The following LRRN2 variants were observed in gnomAD, a reference collection of about 807,000 sequenced individuals.
LRRN2 encodes leucine rich repeat neuronal 2.
A neutral mutation model predicts 35.7 loss-of-function variants in LRRN2; 10 were observed. The ratio of observed to expected loss-of-function variants is 0.28; its 90% CI spans 0.17 to 0.47. LRRN2 has a LOEUF of 0.47. Among genes scored for constraint, LRRN2 ranks in the 20% least tolerant of loss-of-function variants. LRRN2 has a pLI of 0.99. For synonymous variants in LRRN2, 391 were observed against 409.6 expected, an observed-to-expected ratio of 0.95 and a Z score of 0.55; for missense variants, 731 against 940.3, an observed-to-expected ratio of 0.78 and a Z score of 2.91.
At chr1:204,664,423 G>A (rs1490381709) in intron 1 of LRRN2, 1 of 152,444 alleles carries the variant, frequency 6.6e-6, no homozygotes, top group Non-Finnish European at 1.5e-5. Flanking sequence ...CGACGGAGAT[G>A]GTGATGTGAC....
At chr1:204,646,790 C>A (rs1668116410) in intron 1 of LRRN2, among the ~76,000 whole-genome samples, 1 of 152,304 alleles carries the variant, frequency 6.6e-6, no homozygotes, top group African/African-American at 2.4e-5. Flanking sequence ...CTTTTGACCT[C>A]TTTAATAGGG....
At chr1:204,645,313 C>G (rs183836346) in intron 1 of LRRN2, among the ~76,000 whole-genome samples, 1 of 152,338 alleles carries the variant, frequency 6.6e-6, no homozygotes, top group East Asian at 1.9e-4. Context: ...CTGCAGAAAT[C>G]ACAAACAGCA....
chr1:204,620,334 G>A (rs1431329263), intron 1 of LRRN2, 116 bp from the exon 2 acceptor site: 8 of 579,588 alleles, frequency 1.4e-5, no homozygotes, highest in East Asian at 5.8e-5. Context: ...GGAGTGCAGC[G>A]GTGCACTCAG....
intron 1 of LRRN2, chr1:204,627,303 TC>T (rs1667459302): frequency 6.6e-6 from 1 of 152,206 alleles, no homozygotes. Flanking sequence ...GTTCCATGAT[TC>T]CGGTGCCAGC....
intron 1 of LRRN2, among the ~76,000 whole-genome samples, chr1:204,662,672 A>G (rs1489741252): frequency 6.6e-6 from 1 of 152,254 alleles, no homozygotes; most frequent in Non-Finnish European, 1.5e-5. Context: ...TGGATGAACA[A>G]TTGGTCTTCA....
In LRRN2 at chr1:204,619,077, G is replaced by C. The variant is rs1666636264; in HGVS notation, c.916C>G (p.Leu306Val). ...EELVSIDKFA[L>V]VNLPELTKLD... The stretch of plus-strand genomic sequence containing the variant: ...TTGGTCAGCTCGGGGAGGTTCACCA[G>C]GGCAAACTTGTCGATGGAGACCAGC... Residue 306 changes from leucine to valine, a missense_variant, in exon 2 of 2, where the codon CTG becomes GTG. Leu to Val is a conservative substitution (Grantham distance 32). Around this residue, in one of 3 missense-constraint regions of LRRN2, gnomAD observed 256 missense variants for 392.4 expected, o/e 0.65. Coordinates refer to ENST00000367177, the MANE Select transcript of LRRN2 (RefSeq NM_201630.2). The C allele has an allele frequency of 1.2e-6, 2 of 1,606,748 alleles. No homozygotes were observed. The highest frequency in any genetic ancestry group is 1.7e-6 in the Non-Finnish European group (2 of 1,175,494).
intron 1 of LRRN2, among the ~76,000 whole-genome samples, chr1:204,652,263 C>CCCCCGCCCCCCCA (rs71147708): frequency 1.4e-5 from 1 of 73,422 alleles, no homozygotes; most frequent in Non-Finnish European, 2.4e-5. Flanking sequence ...CTTCACCGCC[C>CCCCCGCCCCCCCA]CCCCCCCGCC....
chr1:204,631,271 T>TG lies in LRRN2; in HGVS notation c.-226-11054_-226-11053insC, dbSNP rs1667692873. Among the ~76,000 whole-genome samples, 2 of 70,280 alleles carry TG rather than the reference T, an allele frequency of 2.8e-5. 1 individual carries two copies. The highest frequency in any genetic ancestry group is 2.5e-4 in the Admixed American group (2 of 7,916). The allele number at this position is 70,280 out of a possible 152,430, so 46.1% of individuals were successfully genotyped here. ...CTAGAGTGTTCTATATATATATATA[T>TG]ATATATATATATATATATATATATA... On this transcript the variant is annotated intron_variant, in intron 1 of 1. Coordinates refer to ENST00000367177, the MANE Select transcript of LRRN2 (RefSeq NM_201630.2).
intron 1 of LRRN2, among the ~76,000 whole-genome samples, chr1:204,639,396 G>C (rs1667931014): frequency 6.6e-6 from 1 of 152,200 alleles, no homozygotes; most frequent in Non-Finnish European, 1.5e-5. Context: ...CACTTCGGGA[G>C]GCCCAGTTGG....
chr1:204,638,549 T>G (rs918811778), intron 1 of LRRN2, among the ~76,000 whole-genome samples: 1 of 151,990 alleles, frequency 6.6e-6, no homozygotes, highest in African/African-American at 2.4e-5. Flanking sequence ...TAGCTGAGAT[T>G]ACAGGCATGT....
intron 1 of LRRN2, among the ~76,000 whole-genome samples, chr1:204,642,774 A>G (rs1412019652): frequency 6.6e-6 from 1 of 152,222 alleles, no homozygotes; most frequent in East Asian, 1.9e-4. Flanking sequence ...TTAAGAGCAC[A>G]CGTGCTTCCT....
chr1:204,636,646 T>C (rs540700249), intron 1 of LRRN2, among the ~76,000 whole-genome samples: 1 of 152,254 alleles, frequency 6.6e-6, no homozygotes, highest in East Asian at 1.9e-4. Flanking sequence ...ATGCCTGTAG[T>C]CCTAGCTACT....
intron 1 of LRRN2, among the ~76,000 whole-genome samples, chr1:204,660,930 G>T (rs1429928103): frequency 6.6e-6 from 1 of 152,176 alleles, no homozygotes; most frequent in Non-Finnish European, 1.5e-5. Context: ...GTGGGCCCAG[G>T]TCCTCCACAG....
chr1:204,652,937 C>T (rs1668267126), intron 1 of LRRN2, among the ~76,000 whole-genome samples: 1 of 152,202 alleles, frequency 6.6e-6, no homozygotes, highest in Non-Finnish European at 1.5e-5. Flanking sequence ...CCTATCCCAC[C>T]AACTTGCTAC....
rs138573874 is a variant in LRRN2 at position 204,618,713 on chromosome 1, C to T, written c.1280G>A (p.Arg427Gln). 4.8e-4 allele frequency: 765 copies of T among 1,601,334 alleles called. No individual in the cohort carries two copies. Among genetic ancestry groups the T allele is most frequent in the Non-Finnish European group, 6.2e-4 (723 of 1,172,580 alleles). The change falls in exon 2 of 2, where the codon CGA becomes CAA. Residue 427 changes from arginine (R) to glutamine (Q), a missense_variant. Physicochemically the swap from Arg to Gln is conservative, Grantham distance 43. Coordinates refer to ENST00000367177, the MANE Select transcript of LRRN2 (RefSeq NM_201630.2). ...TACCTGGAGGCTTGGGGGGAAGCTT[C>T]GTGGGGAGATGAGGGGCAAACAGTG... Reference protein sequence around the residue: ...TDHCLPLISPRSFPPSLQVAS... With the variant: ...TDHCLPLISPQSFPPSLQVAS...
At chr1:204,683,826 CTCTGCCCT>C (rs1447940912) in intron 1 of LRRN2, among the ~76,000 whole-genome samples, 1 of 152,244 alleles carries the variant, frequency 6.6e-6, no homozygotes, top group Non-Finnish European at 1.5e-5. Context: ...AGATCCCTAG[CTCTGCCCT>C]TCTGTTTCCA....
chr1:204,675,963 A>C (rs954193211), intron 1 of LRRN2, among the ~76,000 whole-genome samples: 1 of 152,198 alleles, frequency 6.6e-6, no homozygotes, highest in Admixed American at 6.5e-5. Context: ...GGCTGTGCAG[A>C]GAGATGGGTC....
chr1:204,630,334 G>A (rs1667654970), intron 1 of LRRN2, among the ~76,000 whole-genome samples: 1 of 152,106 alleles, frequency 6.6e-6, no homozygotes, highest in Non-Finnish European at 1.5e-5. Flanking sequence ...GGCCTGGTCG[G>A]AGGGGCTGGG....
chr1:204,669,796 G>GA, intron 1 of LRRN2, among the ~76,000 whole-genome samples: 1 of 152,280 alleles, frequency 6.6e-6, no homozygotes, highest in East Asian at 1.9e-4. Context: ...GGGGAGTGGG[G>GA]ATGCCTCAGT....
Sources: gnomAD v4.1 joint callset for allele counts (sites outside exome capture counted in the v4.1 genomes callset) on GRCh38, gnomAD v4.1.1 for gene constraint, gnomAD v4.1.1 regional missense constraint, MANE v1.5 for transcripts, NCBI Gene and HGNC (gene_info 2026-07-23, HGNC 2026-07-21) for gene names.